The following EFHC1 variants were observed in gnomAD, a reference collection of about 807,000 sequenced individuals.
EFHC1 encodes EF-hand domain containing 1, also known as EF-hand domain-containing protein 1.
In EFHC1, 53 loss-of-function variants were observed where a neutral mutation model predicts 69.9. The observed-to-expected ratio is 0.76, with a 90% confidence interval of 0.61 to 0.95. EFHC1 has a LOEUF of 0.95. EFHC1 is among the 40% of genes least tolerant of loss of function. The pLI is 0.00. For synonymous variants in EFHC1, 256 were observed against 278.4 expected (o/e 0.92, Z 0.80); for missense variants, 739 against 798.7 (o/e 0.93, Z 0.90).
At chr6:52,476,799 C>A (rs893430823) in intron 7 of EFHC1, among the ~76,000 whole-genome samples, 3 of 152,098 alleles carry the variant, frequency 2.0e-5, no homozygotes, top group Non-Finnish European at 2.9e-5. Context: ...GAAATAATAA[C>A]TAAATGCAAT....
At position 52,428,749 on chromosome 6, in the gene EFHC1, G is replaced by A. The variant is rs116091896; in HGVS notation, c.285+4582G>A. On this transcript the variant is annotated intron_variant, in intron 2 of 10. Transcript: ENST00000371068. ...ATGGTGGTTCTACTTTTAGTTCTTTGAGGAATCTTCACACTTTTAGTTCTT... is the reference window on the plus strand; with the variant it reads ...ATGGTGGTTCTACTTTTAGTTCTTTAAGGAATCTTCACACTTTTAGTTCTT... Among the ~76,000 whole-genome samples, 843 of 152,178 alleles carry A rather than the reference G, an allele frequency of 5.5e-3. 8 individuals are homozygous for A. The highest frequency in any genetic ancestry group is 0.019 in the African/African-American group (793 of 41,564).
At chr6:52,474,089 G>A (rs1388024536) in intron 7 of EFHC1, among the ~76,000 whole-genome samples, 1 of 152,154 alleles carries the variant, frequency 6.6e-6, no homozygotes, top group Non-Finnish European at 1.5e-5. Context: ...TTGGGAGGCG[G>A]AGGCAGGAAG....
chr6:52,468,293 G>A (rs3789774), intron 6 of EFHC1: 20,938 of 152,108 alleles, frequency 0.14, 1,797 homozygotes, highest in East Asian at 0.45. Flanking sequence ...GTATCTAGGA[G>A]TGATGATATC....
Position 52,423,979 on chromosome 6 carries a change from T to C in EFHC1, c.97T>C (p.Tyr33His), listed in dbSNP as rs374402088. 666 of 1,614,062 alleles carry C rather than the reference T, an allele frequency of 4.1e-4. No individual in the cohort carries two copies. The highest frequency in any genetic ancestry group is 5.4e-4 in the Non-Finnish European group (641 of 1,180,044). ...CTTCCACAGAAGTCAGACGCTGAGC[T>C]ACAGGAACGGCTATGCAATTGTTCG... ...TAFHRSQTLS[Y>H]RNGYAIVRRP... The change falls in exon 2 of 11, where the codon TAC becomes CAC. Residue 33 changes from tyrosine (Y) to histidine (H), a missense_variant. Coordinates refer to ENST00000371068, the MANE Select transcript of EFHC1 (RefSeq NM_018100.4).
intron 7 of EFHC1, among the ~76,000 whole-genome samples, chr6:52,477,508 G>A (rs1279514810): frequency 6.6e-6 from 1 of 151,936 alleles, no homozygotes; most frequent in Admixed American, 6.6e-5. Flanking sequence ...TCTGCAATTT[G>A]ATTTAGAAAA....
intron 7 of EFHC1, among the ~76,000 whole-genome samples, chr6:52,472,505 CAT>C (rs1250499785): frequency 6.6e-6 from 1 of 151,922 alleles, no homozygotes; most frequent in Non-Finnish European, 1.5e-5. Context: ...ACAAAGAAAA[CAT>C]AAAGTTAAAA....
chr6:52,494,913 A>C lies in EFHC1; in HGVS notation c.*2572A>C, dbSNP rs1377510397. 1 of 452,140 alleles carries C rather than the reference A, an allele frequency of 2.2e-6. No individual in the cohort carries two copies. The highest frequency in any genetic ancestry group is 2.4e-5 in the Admixed American group (1 of 42,500). 28.0% of individuals were successfully genotyped at this position (452,140 alleles called of 1,614,324 possible). ...GGCTGCGTAGTATTCCATGGTGTAG[A>C]TATACTTCATTTAAAAAATCTAATC... On this transcript the variant is annotated 3_prime_UTR_variant, in exon 11 of 11. Transcript: ENST00000371068.
intron 8 of EFHC1, 36 bp downstream of exon 8, chr6:52,479,286 T>A (rs1282879098): frequency 6.2e-7 from 1 of 1,605,080 alleles, no homozygotes; most frequent in East Asian, 2.2e-5. Context: ...TCCTACTGGC[T>A]GCCTGAATGA....
At chr6:52,448,112 C>T (rs987057129) in intron 3 of EFHC1, among the ~76,000 whole-genome samples, 10 of 152,200 alleles carry the variant, frequency 6.6e-5, no homozygotes, top group Non-Finnish European at 8.8e-5. Context: ...CAGACAGGGA[C>T]GTTTAAGTCT....
At chr6:52,425,691 T>C (rs1764286449) in intron 2 of EFHC1, among the ~76,000 whole-genome samples, 1 of 152,158 alleles carries the variant, frequency 6.6e-6, no homozygotes, top group African/African-American at 2.4e-5. Context: ...GCATAGATAA[T>C]GGGGTAGAGA....
intron 5 of EFHC1, among the ~76,000 whole-genome samples, chr6:52,458,390 A>G (rs1765090620): frequency 6.6e-6 from 1 of 152,228 alleles, no homozygotes; most frequent in African/African-American, 2.4e-5. Context: ...GGGAGAAAAT[A>G]TTTGAAACAA....
At chr6:52,486,202 G>C (rs1294280057) in intron 9 of EFHC1, 2 of 152,210 alleles carry the variant, frequency 1.3e-5, no homozygotes, top group Non-Finnish European at 2.9e-5. Flanking sequence ...CTAAGATGAT[G>C]AAATTTGGAG....
intron 10 of EFHC1, chr6:52,490,887 C>A (rs1765885423): frequency 6.2e-6 from 1 of 161,546 alleles, no homozygotes; most frequent in African/African-American, 2.4e-5. Context: ...ACTTTCATGC[C>A]TTTTCTTCAT....
intron 3 of EFHC1, among the ~76,000 whole-genome samples, chr6:52,446,306 A>G (rs879217838): frequency 2.0e-5 from 3 of 152,170 alleles, no homozygotes; most frequent in African/African-American, 4.8e-5. Context: ...TCCCTTTACC[A>G]TTATGTAACG....
intron 9 of EFHC1, chr6:52,487,956 G>C (rs1272396106): frequency 6.6e-6 from 1 of 152,216 alleles, no homozygotes; most frequent in East Asian, 1.9e-4. Context: ...AGTAGGGGCT[G>C]TAACTTTAAC....
chr6:52,449,311 A>G (rs1448560431), intron 3 of EFHC1, among the ~76,000 whole-genome samples: 2 of 151,594 alleles, frequency 1.3e-5, no homozygotes, highest in African/African-American at 4.9e-5. Context: ...AACCCAGGAG[A>G]CAGAGCTTGC....
At chr6:52,461,002 G>A (rs1581835605) in intron 5 of EFHC1, among the ~76,000 whole-genome samples, 1 of 152,164 alleles carries the variant, frequency 6.6e-6, no homozygotes, top group East Asian at 1.9e-4. Flanking sequence ...AAATATCAAA[G>A]TAGAACTGAC....
In EFHC1 at chr6:52,442,333, C is replaced by T. The variant is rs981205594; in HGVS notation, c.573+3742C>T. 5.3e-5 allele frequency among the ~76,000 whole-genome samples: 8 copies of T among 152,110 alleles called. No homozygotes were observed. The South Asian group carries it at 1.5e-3, about 28-fold the overall frequency. Reference sequence around the variant, plus strand: ...TTATTATACTTTAAGTTATGGGGTACATGCGCACAACGTGCAGGTTTGTTG... The same window carrying T: ...TTATTATACTTTAAGTTATGGGGTATATGCGCACAACGTGCAGGTTTGTTG... On this transcript the variant is annotated intron_variant, in intron 3 of 10. Coordinates refer to ENST00000371068, the MANE Select transcript of EFHC1 (RefSeq NM_018100.4).
Position 52,427,294 on chromosome 6 carries a change from T to A in EFHC1, c.285+3127T>A, listed in dbSNP as rs114318739. ...CAGCCCTACTGGAGCTGGCCCTCCC[T>A]GCTCTCTCCCCAGCCTCATCTTGGG... is the stretch of plus-strand genomic sequence containing the variant. On this transcript the variant is annotated intron_variant, in intron 2 of 10. Transcript: ENST00000371068. 5.5e-3 allele frequency among the ~76,000 whole-genome samples: 839 copies of A among 152,312 alleles called. 8 individuals carry two copies. The highest frequency in any genetic ancestry group is 0.019 in the African/African-American group (790 of 41,560).
Sources: gnomAD v4.1 joint callset for allele counts (sites outside exome capture counted in the v4.1 genomes callset) on GRCh38, gnomAD v4.1.1 for gene constraint, MANE v1.5 for transcripts, NCBI Gene and HGNC (gene_info 2026-07-23, HGNC 2026-07-21) for gene names.